The following PTPRD variants were observed in gnomAD, a reference collection of about 807,000 sequenced individuals.
PTPRD encodes protein tyrosine phosphatase receptor type D.
PTPRD carries 34 observed loss-of-function variants against 214.5 expected under a neutral mutation model. The observed-to-expected ratio is 0.16, with a 90% CI of 0.12 to 0.21. PTPRD has a LOEUF of 0.21. Among genes scored for constraint, PTPRD ranks in the 10% least tolerant of loss-of-function variants. PTPRD has a pLI of 1.00. For missense variants in PTPRD, 2,545 were observed against 2,398.7 expected, an observed-to-expected ratio of 1.06 and a Z score of -1.27; for synonymous variants, 1,128 against 845.7, an observed-to-expected ratio of 1.33 and a Z score of -5.79.
At chr9:9,754,702 C>G (rs1306666155) in intron 6 of PTPRD, among the ~76,000 whole-genome samples, 1 of 151,972 alleles carries the variant, frequency 6.6e-6, no homozygotes, top group South Asian at 2.1e-4. Flanking sequence ...GTTTCTTCTA[C>G]TTGTTACAGG....
chr9:10,119,577 A>C (rs2098758391), intron 3 of PTPRD, among the ~76,000 whole-genome samples: 1 of 152,036 alleles, frequency 6.6e-6, no homozygotes, highest in Non-Finnish European at 1.5e-5. Flanking sequence ...TAAACGTGTC[A>C]AAGATTTTAT....
intron 3 of PTPRD, among the ~76,000 whole-genome samples, chr9:10,090,399 G>C (rs1357786143): frequency 6.6e-6 from 1 of 151,356 alleles, no homozygotes; most frequent in Non-Finnish European, 1.5e-5. Flanking sequence ...AAACACTGCA[G>C]TGAGGGACGT....
chr9:8,935,202 A>G (rs2098988577), intron 11 of PTPRD, among the ~76,000 whole-genome samples: 1 of 152,160 alleles, frequency 6.6e-6, no homozygotes, highest in African/African-American at 2.4e-5. Context: ...CATATAGAAT[A>G]CCCTAAAGAC....
At chr9:9,959,657 G>T (rs1306412807) in intron 4 of PTPRD, among the ~76,000 whole-genome samples, 4 of 152,160 alleles carry the variant, frequency 2.6e-5, no homozygotes, top group South Asian at 4.1e-4. Flanking sequence ...AATGCTAGAG[G>T]CAAAAGGAGG....
chr9:8,381,002 G>A (rs1387568306), intron 37 of PTPRD, among the ~76,000 whole-genome samples: 3 of 152,120 alleles, frequency 2.0e-5, no homozygotes, highest in Non-Finnish European at 4.4e-5. Context: ...ACCTTGAAAG[G>A]GTTCTAGCAT....
At chr9:9,753,648 T>C (rs2098542849) in intron 6 of PTPRD, among the ~76,000 whole-genome samples, 1 of 151,828 alleles carries the variant, frequency 6.6e-6, no homozygotes, top group Admixed American at 6.6e-5. Context: ...TTCACAAGAG[T>C]TGGTGTGATC....
intron 39 of PTPRD, among the ~76,000 whole-genome samples, chr9:8,359,416 C>T (rs1429501291): frequency 6.6e-6 from 1 of 151,820 alleles, no homozygotes; most frequent in Non-Finnish European, 1.5e-5. Context: ...CTTCCACCTC[C>T]CAGGTTCAAG....
chr9:10,431,237 G>C (rs2154520623), intron 2 of PTPRD, among the ~76,000 whole-genome samples: 1 of 152,088 alleles, frequency 6.6e-6, no homozygotes, highest in East Asian at 1.9e-4. Flanking sequence ...GCCATATGTA[G>C]AAAGCTGAAA....
chr9:9,482,209 G>T (rs888744308), intron 8 of PTPRD, among the ~76,000 whole-genome samples: 6 of 151,950 alleles, frequency 3.9e-5, no homozygotes, highest in African/African-American at 1.5e-4. Context: ...ATTTTAATAA[G>T]ATCTCCTCTT....
chr9:10,488,545 G>A (rs2099148173), intron 2 of PTPRD, among the ~76,000 whole-genome samples: 1 of 152,222 alleles, frequency 6.6e-6, no homozygotes, highest in East Asian at 1.9e-4. Context: ...CATTCAGGAT[G>A]GCAAGTTCCC....
chr9:10,212,551 C>G (rs745801717), intron 3 of PTPRD, among the ~76,000 whole-genome samples: 10 of 152,034 alleles, frequency 6.6e-5, no homozygotes, highest in Non-Finnish European at 1.3e-4. Flanking sequence ...AGAATGACAT[C>G]CTATAGTTTA....
At chr9:9,059,361 T>G (rs1408184906) in intron 10 of PTPRD, among the ~76,000 whole-genome samples, 1 of 152,134 alleles carries the variant, frequency 6.6e-6, no homozygotes, top group Non-Finnish European at 1.5e-5. Flanking sequence ...TCAGGGCTCA[T>G]GAGGCCAGTG....
rs528604195 is a variant in PTPRD at position 9,777,894 on chromosome 9, T to G, written c.-367-11043A>C. ...TACCCTTCAACACAATTACCCCAAA[T>G]GGGTTTATACATGAGTCATTGTCTA... is the stretch of plus-strand genomic sequence containing the variant. On this transcript the variant is annotated intron_variant, in intron 5 of 45. Transcript: ENST00000381196. 1.6e-4 allele frequency among the ~76,000 whole-genome samples: 24 copies of G among 152,062 alleles called. No homozygotes were observed. In the South Asian group the frequency reaches 5.0e-3, roughly 32 times the overall value.
intron 11 of PTPRD, among the ~76,000 whole-genome samples, chr9:8,998,583 C>T (rs533264473): frequency 1.3e-5 from 2 of 152,166 alleles, no homozygotes; most frequent in South Asian, 4.1e-4. Flanking sequence ...GAGATTAACA[C>T]TGTTTTCATG....
chr9:9,301,807 A>T (rs1437614328), intron 9 of PTPRD, among the ~76,000 whole-genome samples: 2 of 151,924 alleles, frequency 1.3e-5, no homozygotes, highest in African/African-American at 4.8e-5. Flanking sequence ...AACTCTATGC[A>T]TTCATAAGAG....
Position 9,020,544 on chromosome 9 carries a change from C to T in PTPRD, c.-142-1809G>A, listed in dbSNP as rs1018848948. On this transcript the variant is annotated intron_variant, in intron 10 of 45. Coordinates refer to ENST00000381196, the MANE Select transcript of PTPRD (RefSeq NM_002839.4). ...CAAAATAAGGAACCAAGAATGATGG[C>T]CAGGTTTGTGGCTTGAACAACTGAG... Among the ~76,000 whole-genome samples, 6 of 152,058 alleles carry T rather than the reference C, an allele frequency of 3.9e-5. No homozygotes were observed. The East Asian group carries it at 9.7e-4, about 24-fold the overall frequency.
At chr9:9,809,695 T>C (rs1053363270) in intron 5 of PTPRD, among the ~76,000 whole-genome samples, 3 of 152,184 alleles carry the variant, frequency 2.0e-5, no homozygotes, top group Middle Eastern at 3.2e-3. Context: ...TTTCAAATAA[T>C]TGGCTAAACA....
chr9:10,486,296 G>C (rs1006358125), intron 2 of PTPRD, among the ~76,000 whole-genome samples: 1 of 152,072 alleles, frequency 6.6e-6, no homozygotes, highest in Admixed American at 6.6e-5. Flanking sequence ...GTTTATTCTA[G>C]GGTTTTTATG....
chr9:9,200,388 T>C (rs1194279574), intron 9 of PTPRD, among the ~76,000 whole-genome samples: 1 of 152,220 alleles, frequency 6.6e-6, no homozygotes, highest in Non-Finnish European at 1.5e-5. Context: ...TTCAGGAAAA[T>C]TCTTCTCTCT....
Sources: allele counts gnomAD v4.1 joint callset (sites outside exome capture counted in the v4.1 genomes callset), GRCh38; gene constraint gnomAD v4.1.1; transcripts MANE v1.5; gene names NCBI Gene and HGNC (gene_info 2026-07-23, HGNC 2026-07-21).